MEOX1: variants seen among roughly 807,000 people sequenced by gnomAD.
MEOX1 encodes the protein mesenchyme homeobox 1, also known as homeobox protein MOX-1.
Under a neutral mutation model 23.2 loss-of-function variants are expected in MEOX1, and 17 were observed. The observed-to-expected ratio is 0.73, with a 90% CI of 0.50 to 1.10. The LOEUF (loss-of-function observed/expected upper bound fraction) is 1.10, where lower values mean the gene tolerates loss of function less well. Ranked by LOEUF, MEOX1 falls within the 50% of genes least tolerant of loss-of-function variation. The probability of loss-of-function intolerance (pLI) is 0.00; values close to 1 mark genes in which losing one functional copy is unlikely to be tolerated. For synonymous variants in MEOX1, 134 were observed against 135.1 expected (o/e 0.99, Z 0.06); for missense variants, 333 against 332.2 (o/e 1.00, Z -0.02).
At position 43,659,590 on chromosome 17, in the gene MEOX1, C is replaced by T. The variant is rs142198769; in HGVS notation, c.469+1476G>A. ...TGTTTGCCTGGGACTGTGGGGTTTC[C>T]TACGACAGGATTTTCAGTGCTAAAA... is the stretch of plus-strand genomic sequence containing the variant. On this transcript the variant is annotated intron_variant, in intron 1 of 2. Coordinates refer to ENST00000318579, the MANE Select transcript of MEOX1 (RefSeq NM_004527.4). 1.9e-3 allele frequency among the ~76,000 whole-genome samples: 285 copies of T among 152,208 alleles called. 1 individual carries two copies. The highest frequency in any genetic ancestry group is 1.6e-3 in the Non-Finnish European group (111 of 67,988).
intron 1 of MEOX1, among the ~76,000 whole-genome samples, chr17:43,649,202 C>T (rs1041408117): frequency 1.3e-5 from 2 of 151,326 alleles, no homozygotes; most frequent in South Asian, 2.1e-4. Context: ...AGATGACTCA[C>T]GGGCAGAGTT....
rs1972689042 is a variant in MEOX1, at chr17:43,641,211, G to A, written c.*699C>T. 2.0e-5 allele frequency: 3 copies of A among 151,888 alleles called. No individual in the cohort carries two copies. The highest frequency in any genetic ancestry group is 1.9e-4 in the East Asian group (1 of 5,172). The allele number at this position is 151,888 out of a possible 1,614,324, so 9.4% of individuals were successfully genotyped here. On this transcript the variant is annotated 3_prime_UTR_variant, in exon 3 of 3. Coordinates refer to ENST00000318579, the MANE Select transcript of MEOX1 (RefSeq NM_004527.4). ...TCCACCCAGTCAAGCCTGTGTGGAC[G>A]GGCCTATATGGGGACACCGAAACCT...
Position 43,643,592 on chromosome 17 carries a change from T to C in MEOX1, c.538A>G (p.Lys180Glu). The C allele has an allele frequency of 6.2e-7, 1 of 1,613,434 alleles. No individual in the cohort carries two copies. The highest frequency in any genetic ancestry group is 8.5e-7 in the Non-Finnish European group (1 of 1,179,874). ...KARKERTAFT[K>E]EQLRELEAEF... The stretch of plus-strand genomic sequence containing the variant: ...GCCTCCAGCTCTCGCAGCTGCTCCT[T>C]GGTGAAGGCCGTCCTCTCCTTGCGG... Residue 180 changes from lysine (K) to glutamate (E), a missense_variant, in exon 2 of 3, where the codon AAG becomes GAG. Coordinates refer to ENST00000318579, the MANE Select transcript of MEOX1 (RefSeq NM_004527.4).
Position 43,661,066 on chromosome 17 carries a change from C to A in MEOX1, c.469G>T (p.Asp157Tyr). 1 of 1,494,546 alleles carries A rather than the reference C, an allele frequency of 6.7e-7. No individual in the cohort carries two copies. The highest frequency in any genetic ancestry group is 1.4e-5 in the South Asian group (1 of 71,232). The allele number at this position is 1,494,546 out of a possible 1,614,324, so 92.6% of individuals were successfully genotyped here. A position where few individuals can be genotyped will look rare whatever the true frequency, so the allele number is the denominator to read the frequency against. The change falls in exon 1 of 3, where the codon GAC becomes TAC. Residue 157 changes from aspartate (D) to tyrosine (Y), a missense_variant and splice_region_variant. Physicochemically the swap from Asp to Tyr is radical, Grantham distance 160. Coordinates refer to ENST00000318579, the MANE Select transcript of MEOX1 (RefSeq NM_004527.4). ...KSSRRRKESS[D>Y]NQENRGKPEG... ...GATCAGCTGCTCCTGAGCCACCTAC[C>A]TGAACTCTCCTTTCTCCGCCTGGAT...
chr17:43,642,677 G>C (rs1242295968), intron 2 of MEOX1, among the ~76,000 whole-genome samples: 1 of 142,752 alleles, frequency 7.0e-6, no homozygotes, highest in East Asian at 1.9e-4. Context: ...TGGCTGAAGG[G>C]AAAGTCCAAA....
chr17:43,641,720 A>G lies in MEOX1; in HGVS notation c.*190T>C. ...AAAGGCCCTAGGGAAGAGGCTGCTA[A>G]GAGGCTGGACAGAACTTCCTAGAAA... On this transcript the variant is annotated 3_prime_UTR_variant, in exon 3 of 3. Coordinates refer to ENST00000318579, the MANE Select transcript of MEOX1 (RefSeq NM_004527.4). 6.9e-6 allele frequency: 4 copies of G among 576,744 alleles called. No homozygotes were observed. The South Asian group carries it at 9.5e-5, about 14-fold the overall frequency. 35.7% of individuals were successfully genotyped at this position (576,744 alleles called of 1,614,324 possible).
rs781323048 is a variant in MEOX1 at position 43,641,884 on chromosome 17, T to G, written c.*26A>C. The stretch of plus-strand genomic sequence containing the variant: ...GTAGTTGGGTAGGGGGCTCAGTCCT[T>G]AGTCATTTTTCCTCCATGCAGAATC... On this transcript the variant is annotated 3_prime_UTR_variant, in exon 3 of 3. Transcript: ENST00000318579. The G allele has an allele frequency of 1.2e-6, 2 of 1,603,804 alleles. No homozygotes were observed. Among genetic ancestry groups the G allele is most frequent in the Non-Finnish European group, 1.7e-6 (2 of 1,175,312 alleles).
chr17:43,648,466 C>CAA (rs67553599), intron 1 of MEOX1, among the ~76,000 whole-genome samples: 4 of 107,494 alleles, frequency 3.7e-5, no homozygotes, highest in South Asian at 3.3e-4. Context: ...GACTCTGTCT[C>CAA]AAAAAAAAAA....
chr17:43,655,660 TAAAAAAAAAA>T (rs57762377), intron 1 of MEOX1, among the ~76,000 whole-genome samples: 2 of 75,598 alleles, frequency 2.6e-5, no homozygotes, highest in East Asian at 4.2e-4. Flanking sequence ...CCTGTCTTTC[TAAAAAAAAAA>T]AAAAAAAAAA....
intron 1 of MEOX1, among the ~76,000 whole-genome samples, chr17:43,646,306 C>A (rs1972813462): frequency 6.6e-6 from 1 of 152,154 alleles, no homozygotes; most frequent in Admixed American, 6.5e-5. Flanking sequence ...GCGCCGCGCC[C>A]CCTCCTGGCA....
At chr17:43,659,607 G>A (rs1973103025) in intron 1 of MEOX1, among the ~76,000 whole-genome samples, 1 of 152,168 alleles carries the variant, frequency 6.6e-6, no homozygotes, top group Non-Finnish European at 1.5e-5. Flanking sequence ...AGGATTTTCA[G>A]TGCTAAAACT....
chr17:43,655,351 G>T (rs1045718857), intron 1 of MEOX1, among the ~76,000 whole-genome samples: 1 of 151,698 alleles, frequency 6.6e-6, no homozygotes, highest in Non-Finnish European at 1.5e-5. Flanking sequence ...TGTGCCTGTA[G>T]TCCCAGCTAC....
At chr17:43,651,115 G>A (rs916370697) in intron 1 of MEOX1, among the ~76,000 whole-genome samples, 4 of 152,120 alleles carry the variant, frequency 2.6e-5, no homozygotes, top group Admixed American at 6.6e-5. Context: ...TCAGGAGATC[G>A]AGACCATCCT....
chr17:43,657,042 C>CTTTCTTTCTTTCTTTCTT (rs1555567845), intron 1 of MEOX1, among the ~76,000 whole-genome samples: 2 of 136,662 alleles, frequency 1.5e-5, no homozygotes, highest in Non-Finnish European at 3.2e-5. Flanking sequence ...TTCTTTCTTT[C>CTTTCTTTCTTTCTTTCTT]TTTCTTTCTT....
At chr17:43,642,721 C>T (rs1972718719) in intron 2 of MEOX1, among the ~76,000 whole-genome samples, 1 of 152,070 alleles carries the variant, frequency 6.6e-6, no homozygotes. Context: ...TCAAAGTGTG[C>T]CCAGGAACCA....
At chr17:43,643,787 GC>G in intron 1 of MEOX1, 127 bp from the exon 2 acceptor site, 1 of 648,144 alleles carries the variant, frequency 1.5e-6, no homozygotes, top group South Asian at 2.7e-5. Context: ...TGAGAAAAAA[GC>G]TACACTGTCC....
At chr17:43,649,293 T>TG (rs966222091) in intron 1 of MEOX1, among the ~76,000 whole-genome samples, 14 of 115,664 alleles carry the variant, frequency 1.2e-4, no homozygotes, top group African/African-American at 7.6e-4. Flanking sequence ...CTTTCAGCTT[T>TG]TTTTTTTTTT....
At chr17:43,643,792 A>G (rs1972750090) in intron 1 of MEOX1, 132 bp from the exon 2 acceptor site, 1 of 635,022 alleles carries the variant, frequency 1.6e-6, no homozygotes, top group East Asian at 3.0e-5. Context: ...AAAAAGCTAC[A>G]CTGTCCTTTT....
intron 1 of MEOX1, among the ~76,000 whole-genome samples, chr17:43,652,939 T>C (rs958139932): frequency 4.0e-5 from 6 of 150,894 alleles, no homozygotes; most frequent in African/African-American, 1.2e-4. Context: ...TCACGCCATT[T>C]TCCTGCCTCA....
Sources: allele counts gnomAD v4.1 joint callset (sites outside exome capture counted in the v4.1 genomes callset), GRCh38; gene constraint gnomAD v4.1.1; transcripts MANE v1.5; gene names NCBI Gene and HGNC (gene_info 2026-07-23, HGNC 2026-07-21).